Variants in SLC16A9 observed in about 807,000 individuals in gnomAD.
SLC16A9 encodes monocarboxylate transporter 9.
In SLC16A9, 26 loss-of-function variants were observed where a neutral mutation model predicts 44.3. The observed-to-expected ratio is 0.59, with a 90% CI of 0.43 to 0.81. SLC16A9 has a LOEUF of 0.81. Among genes scored for constraint, SLC16A9 ranks in the 40% least tolerant of loss-of-function variants. SLC16A9 has a pLI of 0.00. For synonymous variants in SLC16A9, 230 were observed against 225.1 expected, an observed-to-expected ratio of 1.02 and a Z score of -0.19; for missense variants, 559 against 595.8, an observed-to-expected ratio of 0.94 and a Z score of 0.64.
Position 59,652,624 on chromosome 10 carries a change from T to TAA in SLC16A9, c.*146_*147dup. The stretch of plus-strand genomic sequence containing the variant: ...TACACTACATAAAAAATAGGATATA[T>TAA]AAAAAAAAATAATTCATTCAGAGTC... On this transcript the variant is annotated 3_prime_UTR_variant, in exon 6 of 6. Coordinates refer to ENST00000395348, the MANE Select transcript of SLC16A9 (RefSeq NM_194298.3). The TAA allele has an allele frequency of 1.5e-6, 1 of 662,750 alleles. No individual in the cohort carries two copies. The highest frequency in any genetic ancestry group is 2.4e-6 in the Non-Finnish European group (1 of 409,822). The allele number at this position is 662,750 out of a possible 1,614,324, so 41.1% of individuals were successfully genotyped here.
intron 4 of SLC16A9, among the ~76,000 whole-genome samples, chr10:59,658,156 A>T (rs921526493): frequency 3.3e-5 from 5 of 152,142 alleles, no homozygotes; most frequent in African/African-American, 4.8e-5. Flanking sequence ...ACAATAACTT[A>T]ACCCTTTCAA....
chr10:59,697,039 G>A (rs1447766602), intron 1 of SLC16A9, among the ~76,000 whole-genome samples: 2 of 90,854 alleles, frequency 2.2e-5, no homozygotes, highest in South Asian at 5.8e-4. Flanking sequence ...GGGCGCCTCT[G>A]CCTGGCCGCC....
chr10:59,703,089 A>C (rs978792456), intron 1 of SLC16A9, among the ~76,000 whole-genome samples: 4 of 152,230 alleles, frequency 2.6e-5, no homozygotes, highest in African/African-American at 9.6e-5. Flanking sequence ...ATCGTTCCTG[A>C]AAGGGACAAT....
At position 59,652,754 on chromosome 10, in the gene SLC16A9, G is replaced by C. The variant is rs367565141; in HGVS notation, c.*18C>G. On this transcript the variant is annotated 3_prime_UTR_variant, in exon 6 of 6. Transcript: ENST00000395348. The stretch of plus-strand genomic sequence containing the variant: ...TATATGGTATAAAATAGCAAAAATA[G>C]TGTCTTCCAATATTCTTCTAAACAT... 1 of 1,587,866 alleles carries C rather than the reference G, an allele frequency of 6.3e-7. No individual in the cohort carries two copies.
At chr10:59,675,526 G>A (rs1372295120) in intron 2 of SLC16A9, among the ~76,000 whole-genome samples, 5 of 152,184 alleles carry the variant, frequency 3.3e-5, no homozygotes, top group Non-Finnish European at 7.3e-5. Flanking sequence ...GGGGAAGAGA[G>A]TCTCCCAGTA....
rs1054493730 is a variant in SLC16A9 at position 59,651,583 on chromosome 10, G to A, written c.*1189C>T. On this transcript the variant is annotated 3_prime_UTR_variant, in exon 6 of 6. Transcript: ENST00000395348. ...ACCTATATTTTCAAAAAGATCTATA[G>A]GGAATTCTGATGCATACCAAAGTTT... 3.9e-5 allele frequency: 6 copies of A among 152,018 alleles called. No homozygotes were observed. The South Asian group carries it at 6.2e-4, about 16-fold the overall frequency. 9.4% of individuals were successfully genotyped at this position (152,018 alleles called of 1,614,324 possible). A position where few individuals can be genotyped will look rare whatever the true frequency, so the allele number is the denominator to read the frequency against.
chr10:59,708,178 A>G (rs982509692), intron 1 of SLC16A9, among the ~76,000 whole-genome samples: 1 of 152,180 alleles, frequency 6.6e-6, no homozygotes, highest in African/African-American at 2.4e-5. Flanking sequence ...TGGCAATGAT[A>G]TGGGTACTAA....
rs1265028884 is a variant in SLC16A9 at position 59,653,659 on chromosome 10, A to G, written c.1351+16T>C. ...AAGAACAGTAAAATGGGATGATTTT[A>G]AGATAAATATCTTACCAACGATGGG... On this transcript the variant is annotated intron_variant, in intron 5 of 5. Transcript: ENST00000395348. 1 of 1,594,284 alleles carries G rather than the reference A, an allele frequency of 6.3e-7. No individual in the cohort carries two copies.
Position 59,654,388 on chromosome 10 carries a change from A to G in SLC16A9, c.638T>C (p.Ile213Thr). 6.2e-7 allele frequency: 1 copy of G among 1,613,812 alleles called. No homozygotes were observed. Among genetic ancestry groups the G allele is most frequent in the Non-Finnish European group, 8.5e-7 (1 of 1,180,030 alleles). Residue 213 changes from isoleucine (I) to threonine (T), a missense_variant, in exon 5 of 6, where the codon ATT becomes ACT. By Grantham distance (89) the Ile-to-Thr change is moderately conservative. Transcript: ENST00000395348. ...APEDLPDKYSIYNEKGKNLEE... is the reference protein window; with the variant it reads ...APEDLPDKYSTYNEKGKNLEE... Reference sequence around the variant, plus strand: ...CAGATTCTTTCCTTTTTCATTGTAAATGGAGTATTTATCTGGTAGATCTTC... The same window carrying G: ...CAGATTCTTTCCTTTTTCATTGTAAGTGGAGTATTTATCTGGTAGATCTTC...
chr10:59,693,574 A>G (rs549518245), intron 1 of SLC16A9, among the ~76,000 whole-genome samples: 3 of 152,118 alleles, frequency 2.0e-5, no homozygotes, highest in Non-Finnish European at 4.4e-5. Flanking sequence ...TGAAATAGCT[A>G]TTCAAGGGGG....
intron 2 of SLC16A9, among the ~76,000 whole-genome samples, chr10:59,677,304 T>C (rs1839882512): frequency 6.6e-6 from 1 of 151,908 alleles, no homozygotes; most frequent in African/African-American, 2.4e-5. Flanking sequence ...TTGCCCAGAC[T>C]GGTCTTAAAC....
rs77596399 is a variant in SLC16A9, at chr10:59,685,243, T to C, written c.-36-916A>G. ...ATCCTTAGTCATTTTTATAAGTACA[T>C]AGGATGTATACATATGGCTGTATGC... On this transcript the variant is annotated intron_variant, in intron 1 of 5. Coordinates refer to ENST00000395348, the MANE Select transcript of SLC16A9 (RefSeq NM_194298.3). Among the ~76,000 whole-genome samples, 681 of 152,284 alleles carry C rather than the reference T, an allele frequency of 4.5e-3. 5 individuals carry two copies. Among genetic ancestry groups the C allele is most frequent in the Middle Eastern group, 6.8e-3 (2 of 294 alleles).
intron 1 of SLC16A9, among the ~76,000 whole-genome samples, chr10:59,698,355 C>A (rs1252639771): frequency 6.6e-6 from 1 of 152,194 alleles, no homozygotes; most frequent in Non-Finnish European, 1.5e-5. Context: ...TCCTGACTTG[C>A]TGTATTTGAC....
At chr10:59,665,888 T>C (rs762169291) in intron 3 of SLC16A9, among the ~76,000 whole-genome samples, 3 of 152,182 alleles carry the variant, frequency 2.0e-5, no homozygotes, top group Non-Finnish European at 2.9e-5. Context: ...TTAAATCTTA[T>C]ACTAAAATGA....
intron 2 of SLC16A9, among the ~76,000 whole-genome samples, chr10:59,679,366 A>G (rs1225906258): frequency 6.6e-6 from 1 of 152,186 alleles, no homozygotes; most frequent in Non-Finnish European, 1.5e-5. Context: ...ATATTAAGAC[A>G]TTTGTTGCAA....
intron 4 of SLC16A9, among the ~76,000 whole-genome samples, chr10:59,655,809 T>C (rs1398560416): frequency 6.6e-6 from 1 of 152,200 alleles, no homozygotes; most frequent in African/African-American, 2.4e-5. Context: ...ATGTTTAAAA[T>C]GGTCAGTATT....
chr10:59,663,008 T>C (rs1191455087), intron 4 of SLC16A9, among the ~76,000 whole-genome samples: 1 of 152,138 alleles, frequency 6.6e-6, no homozygotes, highest in Non-Finnish European at 1.5e-5. Context: ...CTATTCACAA[T>C]AGCAAAGACT....
chr10:59,705,649 T>TTGATATTAATA (rs1840621475), intron 1 of SLC16A9, among the ~76,000 whole-genome samples: 1 of 152,226 alleles, frequency 6.6e-6, no homozygotes, highest in African/African-American at 2.4e-5. Context: ...ATCATAGGAA[T>TTGATATTAATA]GCAGGTTTGG....
chr10:59,708,215 T>G (rs1840687466), intron 1 of SLC16A9, among the ~76,000 whole-genome samples: 1 of 152,240 alleles, frequency 6.6e-6, no homozygotes, highest in South Asian at 2.1e-4. Flanking sequence ...TACATATTTA[T>G]TATTAATTAT....
Sources: gnomAD v4.1 joint callset for allele counts (sites outside exome capture counted in the v4.1 genomes callset) on GRCh38, gnomAD v4.1.1 for gene constraint, MANE v1.5 for transcripts, NCBI Gene and HGNC (gene_info 2026-07-23, HGNC 2026-07-21) for gene names.